Variants in CNDP2 observed in about 807,000 individuals in gnomAD.
CNDP2 encodes the protein cytosolic non-specific dipeptidase.
A neutral mutation model predicts 55.0 loss-of-function variants in CNDP2; 38 were observed. The observed-to-expected ratio is 0.69, with a 90% CI of 0.53 to 0.90. The LOEUF (loss-of-function observed/expected upper bound fraction) is 0.90, where lower values mean the gene tolerates loss of function less well. Among genes scored for constraint, CNDP2 ranks in the 40% least tolerant of loss-of-function variants. The pLI, the probability that CNDP2 is intolerant of heterozygous loss-of-function variation, is 0.00. For synonymous variants in CNDP2, 241 were observed against 260.2 expected, an observed-to-expected ratio of 0.93 and a Z score of 0.71; for missense variants, 607 against 621.7, an observed-to-expected ratio of 0.98 and a Z score of 0.25.
intron 8 of CNDP2, among the ~76,000 whole-genome samples, chr18:74,514,397 T>C (rs1413150565): frequency 1.3e-5 from 2 of 152,012 alleles, no homozygotes; most frequent in Non-Finnish European, 2.9e-5. Flanking sequence ...GCTGTGGGCT[T>C]ATGTGGTACG....
intron 4 of CNDP2, 137 bp from the exon 5 acceptor site, chr18:74,508,703 A>G (rs976146886): frequency 6.8e-5 from 45 of 657,456 alleles, no homozygotes; most frequent in Middle Eastern, 6.6e-4. Flanking sequence ...TTGGGTGGAA[A>G]TTGGGGGCTC....
chr18:74,520,386 C>T lies in CNDP2; in HGVS notation c.*318C>T, dbSNP rs950818722. 2.8e-5 allele frequency: 9 copies of T among 319,012 alleles called. No homozygotes were observed. Among genetic ancestry groups the T allele is most frequent in the African/African-American group, 6.5e-5 (3 of 46,084 alleles). 19.8% of individuals were successfully genotyped at this position (319,012 alleles called of 1,614,324 possible). Reference sequence around the variant, plus strand: ...AGTTCTGGTTGTCGGCCGGGCACCACGGCTCACACCTATAATCGAGCACTT... The same window carrying T: ...AGTTCTGGTTGTCGGCCGGGCACCATGGCTCACACCTATAATCGAGCACTT... On this transcript the variant is annotated 3_prime_UTR_variant, in exon 12 of 12. Coordinates refer to ENST00000324262, the MANE Select transcript of CNDP2 (RefSeq NM_018235.3).
At chr18:74,503,059 C>T (rs549226424) in intron 3 of CNDP2, among the ~76,000 whole-genome samples, 1 of 133,810 alleles carries the variant, frequency 7.5e-6, no homozygotes, top group East Asian at 2.3e-4. Context: ...GTCAGACTCA[C>T]CTTGCTCCCT....
chr18:74,505,521 C>T (rs546482657), intron 3 of CNDP2, among the ~76,000 whole-genome samples: 1 of 151,894 alleles, frequency 6.6e-6, no homozygotes, highest in East Asian at 1.9e-4. Flanking sequence ...ATCGCTTGAG[C>T]CTGGGAGGCA....
rs986948764 is a variant in CNDP2 at position 74,518,662 on chromosome 18, T to G, written c.1210+22T>G. ...ACAGGTTGGACGCTCTCCTTGTGGA[T>G]GATGCCGCGCAGGGCCCTTCGCACG... is the stretch of plus-strand genomic sequence containing the variant. On this transcript the variant is annotated intron_variant, in intron 10 of 11. Coordinates refer to ENST00000324262, the MANE Select transcript of CNDP2 (RefSeq NM_018235.3). 3 of 1,613,648 alleles carry G rather than the reference T, an allele frequency of 1.9e-6. No homozygotes were observed. The African/African-American group carries it at 4.0e-5, about 22-fold the overall frequency.
In CNDP2 at chr18:74,512,490, G is replaced by A; in HGVS notation, c.700G>A (p.Gly234Ser). 3.7e-6 allele frequency: 6 copies of A among 1,614,018 alleles called. No homozygotes were observed. Among genetic ancestry groups the A allele is most frequent in the Non-Finnish European group, 5.1e-6 (6 of 1,179,956 alleles). Residue 234 changes from glycine to serine, a missense_variant, in exon 7 of 12, where the codon GGC becomes AGC. By Grantham distance (56) the Gly-to-Ser change is moderately conservative. Coordinates refer to ENST00000324262, the MANE Select transcript of CNDP2 (RefSeq NM_018235.3). Reference protein sequence around the residue: ...NKDLHSGVYGGSVHEAMTDLI... With the variant: ...NKDLHSGVYGSSVHEAMTDLI... ...AGACCTCCATTCTGGGGTGTACGGG[G>A]GCTCGGTGCATGAGGCCATGACTGA...
rs774799055 is a variant in CNDP2, at chr18:74,506,048, G to A, written c.367+37G>A. On this transcript the variant is annotated intron_variant, in intron 4 of 11. Transcript: ENST00000324262. Reference sequence around the variant, plus strand: ...GCGCCTATGCGTGCCCAGAGGAAAGGCACTGACTTTTGGAAAGTCATTGCT... The same window carrying A: ...GCGCCTATGCGTGCCCAGAGGAAAGACACTGACTTTTGGAAAGTCATTGCT... The A allele has an allele frequency of 2.0e-6, 3 of 1,511,936 alleles. No homozygotes were observed. The East Asian group carries it at 7.2e-5, about 36-fold the overall frequency. The allele number at this position is 1,511,936 out of a possible 1,614,324, so 93.7% of individuals were successfully genotyped here.
At chr18:74,501,951 T>G (rs1206977366) in intron 3 of CNDP2, among the ~76,000 whole-genome samples, 5 of 152,140 alleles carry the variant, frequency 3.3e-5, no homozygotes, top group Non-Finnish European at 7.4e-5. Context: ...TGGAGTGCAG[T>G]GGCGTGATCT....
chr18:74,498,405 A>G (rs1032019599), intron 1 of CNDP2, among the ~76,000 whole-genome samples: 4 of 152,136 alleles, frequency 2.6e-5, no homozygotes, highest in African/African-American at 9.7e-5. Context: ...TTTTAGCTCC[A>G]TTATAATCTT....
intron 4 of CNDP2, chr18:74,507,102 T>C (rs1237934246): frequency 6.6e-6 from 1 of 152,290 alleles, no homozygotes; most frequent in East Asian, 1.9e-4. Context: ...TCATTGTCCT[T>C]GTCACGGTGG....
chr18:74,518,389 C>A, intron 9 of CNDP2, 110 bp from the exon 10 acceptor site: 2 of 1,266,760 alleles, frequency 1.6e-6, no homozygotes, highest in Middle Eastern at 2.0e-4. Flanking sequence ...CTGTCAGAGG[C>A]CGATTGTAAG....
chr18:74,511,692 A>G (rs1979361673), intron 6 of CNDP2, among the ~76,000 whole-genome samples: 1 of 148,122 alleles, frequency 6.8e-6, no homozygotes, highest in Non-Finnish European at 1.5e-5. Flanking sequence ...TGAGCTACAG[A>G]GCGAGACTCC....
intron 1 of CNDP2, among the ~76,000 whole-genome samples, 193 bp downstream of exon 1, chr18:74,496,624 G>T (rs1040327353): frequency 6.3e-4 from 96 of 152,168 alleles, no homozygotes; most frequent in African/African-American, 2.1e-3. Flanking sequence ...GGAGGCCCGT[G>T]ACGGCCATGG....
chr18:74,512,602 C>G (rs1979416405), intron 7 of CNDP2, 70 bp downstream of exon 7: 2 of 1,342,096 alleles, frequency 1.5e-6, no homozygotes, highest in East Asian at 2.3e-5. Flanking sequence ...GGCTGTCTGT[C>G]ATCAGCATTG....
At position 74,518,545 on chromosome 18, in the gene CNDP2, A is replaced by C; in HGVS notation, c.1115A>C (p.Asn372Thr). 1 of 1,614,172 alleles carries C rather than the reference A, an allele frequency of 6.2e-7. No homozygotes were observed. Among genetic ancestry groups the C allele is most frequent in the Non-Finnish European group, 8.5e-7 (1 of 1,180,038 alleles). ...TKKFAELRSP[N>T]EFKVYMGHGG... Reference sequence around the variant, plus strand: ...AAGTTTGCTGAACTACGCAGCCCCAATGAGTTCAAGGTGTACATGGGCCAC... The same window carrying C: ...AAGTTTGCTGAACTACGCAGCCCCACTGAGTTCAAGGTGTACATGGGCCAC... Residue 372 changes from asparagine to threonine, a missense_variant, in exon 10 of 12, where the codon AAT becomes ACT. By Grantham distance (65) the Asn-to-Thr change is moderately conservative. Coordinates refer to ENST00000324262, the MANE Select transcript of CNDP2 (RefSeq NM_018235.3).
At chr18:74,499,173 G>T (rs185721443) in intron 1 of CNDP2, among the ~76,000 whole-genome samples, 1 of 152,240 alleles carries the variant, frequency 6.6e-6, no homozygotes, top group Admixed American at 6.5e-5. Context: ...GCTCCGTACA[G>T]CTGTGTGCTT....
intron 1 of CNDP2, chr18:74,497,748 G>A (rs1978487736): frequency 6.6e-6 from 1 of 152,174 alleles, no homozygotes; most frequent in African/African-American, 2.4e-5. Context: ...TCACAGCAAT[G>A]CACTCCTGCC....
chr18:74,519,897 C>A, intron 11 of CNDP2, 102 bp from the exon 12 acceptor site: 2 of 1,047,758 alleles, frequency 1.9e-6, no homozygotes, highest in East Asian at 2.6e-5. Context: ...GGATGCTCCC[C>A]AGGAAGAAGG....
At chr18:74,504,825 G>T (rs1187559140) in intron 3 of CNDP2, 1 of 152,204 alleles carries the variant, frequency 6.6e-6, no homozygotes, top group African/African-American at 2.4e-5. Flanking sequence ...TGGAATATAG[G>T]CACTGGTAGA....
Sources: gnomAD v4.1 joint callset for allele counts (sites outside exome capture counted in the v4.1 genomes callset) on GRCh38, gnomAD v4.1.1 for gene constraint, MANE v1.5 for transcripts, NCBI Gene and HGNC (gene_info 2026-07-23, HGNC 2026-07-21) for gene names.